The following SPATA6L variants were observed in gnomAD, a reference collection of about 807,000 sequenced individuals.
SPATA6L encodes spermatogenesis associated 6 like.
In SPATA6L, 68 loss-of-function variants were observed where a neutral mutation model predicts 49.2. The ratio of observed to expected loss-of-function variants is 1.38; its 90% CI spans 1.14 to 1.69. The LOEUF (loss-of-function observed/expected upper bound fraction) is 1.69, where lower values mean the gene tolerates loss of function less well. Ranked by LOEUF, SPATA6L falls within the 40% of genes most tolerant of loss-of-function variation. SPATA6L has a pLI of 0.00. For synonymous variants in SPATA6L, 198 were observed against 165.7 expected, an observed-to-expected ratio of 1.19 and a Z score of -1.50; for missense variants, 668 against 464.3, an observed-to-expected ratio of 1.44 and a Z score of -4.03.
chr9:4,614,519 C>G (rs1404360351), intron 9 of SPATA6L, among the ~76,000 whole-genome samples: 1 of 152,152 alleles, frequency 6.6e-6, no homozygotes, highest in Non-Finnish European at 1.5e-5. Context: ...GGAATCTGCC[C>G]TAGTGATCGC....
chr9:4,606,378 C>T (rs1470879152), intron 9 of SPATA6L, among the ~76,000 whole-genome samples: 1 of 127,606 alleles, frequency 7.8e-6, no homozygotes, highest in Non-Finnish European at 1.6e-5. Context: ...GCAGTAACCT[C>T]TGCAGACTTA....
At chr9:4,594,625 T>C (rs1822124111), downstream of SPATA6L, among the ~76,000 whole-genome samples, 1 of 152,138 alleles carries the variant, frequency 6.6e-6, no homozygotes, top group African/African-American at 2.4e-5. Flanking sequence ...TCTATAGAGG[T>C]TGGTGCATTT....
chr9:4,653,353 T>C (rs1837348966), intron 3 of SPATA6L, among the ~76,000 whole-genome samples: 2 of 152,038 alleles, frequency 1.3e-5, no homozygotes, highest in Admixed American at 6.5e-5. Flanking sequence ...TCTACAAAAA[T>C]CAACACAGTA....
Position 4,650,818 on chromosome 9 carries a change from C to A in SPATA6L, c.226+5223G>T, listed in dbSNP as rs575169373. The stretch of plus-strand genomic sequence containing the variant: ...AGGATTACAGGCAAGCACCACCAAA[C>A]CCAGCTTGTGTGTGTGTGTGTGTGT... On this transcript the variant is annotated intron_variant, in intron 3 of 11. Coordinates refer to ENST00000682582, the MANE Select transcript of SPATA6L (RefSeq NM_001353486.2). Among the ~76,000 whole-genome samples the A allele has an allele frequency of 3.4e-5, 5 of 148,988 alleles. No homozygotes were observed. In the East Asian group the frequency reaches 9.9e-4, roughly 29 times the overall value.
Position 4,655,992 on chromosome 9 carries a change from T to C in SPATA6L, c.226+49A>G, listed in dbSNP as rs780993425. 7 of 1,420,844 alleles carry C rather than the reference T, an allele frequency of 4.9e-6. No homozygotes were observed. In the East Asian group the frequency reaches 1.6e-4, roughly 33 times the overall value. The allele number at this position is 1,420,844 out of a possible 1,614,324, so 88.0% of individuals were successfully genotyped here. On this transcript the variant is annotated intron_variant, in intron 3 of 11. Transcript: ENST00000682582. ...AGAGCAGAGTTTTGAATCTGTGAAT[T>C]ACACACAATAGTCTTTTGGTTTTTT...
intron 3 of SPATA6L, among the ~76,000 whole-genome samples, chr9:4,635,653 A>G (rs1327460942): frequency 1.6e-4 from 25 of 152,212 alleles, no homozygotes; most frequent in Admixed American, 1.6e-3. Context: ...AAAAGGAAAA[A>G]CTATCTTTCC....
intron 3 of SPATA6L, among the ~76,000 whole-genome samples, chr9:4,651,511 T>C (rs1836844260): frequency 6.6e-6 from 1 of 152,152 alleles, no homozygotes; most frequent in Non-Finnish European, 1.5e-5. Context: ...GAAGTTAGCA[T>C]TACCAAAACC....
At chr9:4,647,888 G>A (rs952295646) in intron 3 of SPATA6L, among the ~76,000 whole-genome samples, 1 of 151,638 alleles carries the variant, frequency 6.6e-6, no homozygotes. Context: ...AGGGTGGAGG[G>A]CAGTGGTGCG....
chr9:4,589,935 A>T (rs1187692872), intron 13 of SPATA6L, among the ~76,000 whole-genome samples: 2 of 152,158 alleles, frequency 1.3e-5, no homozygotes, highest in East Asian at 3.8e-4. Flanking sequence ...ATATATTTAT[A>T]TATTTTGACA....
chr9:4,610,657 T>G (rs1338986056), intron 9 of SPATA6L, among the ~76,000 whole-genome samples: 2 of 152,140 alleles, frequency 1.3e-5, no homozygotes, highest in African/African-American at 4.8e-5. Flanking sequence ...CCAGATGGAT[T>G]AAAGAATTAA....
At chr9:4,590,491 G>C (rs546522132) in intron 13 of SPATA6L, among the ~76,000 whole-genome samples, 1 of 152,122 alleles carries the variant, frequency 6.6e-6, no homozygotes, top group African/African-American at 2.4e-5. Context: ...ACAAATCTCC[G>C]CTTGGCCTGC....
intron 9 of SPATA6L, among the ~76,000 whole-genome samples, chr9:4,615,901 T>C (rs1827875547): frequency 6.6e-6 from 1 of 152,128 alleles, no homozygotes; most frequent in South Asian, 2.1e-4. Context: ...TTTCCCCAGT[T>C]CTGGTGGCTG....
rs1453342918 is a variant in SPATA6L, at chr9:4,618,860, T to G, written c.807+4A>C. 1 of 1,611,522 alleles carries G rather than the reference T, an allele frequency of 6.2e-7. No homozygotes were observed. Among genetic ancestry groups the G allele is most frequent in the African/African-American group, 1.3e-5 (1 of 74,812 alleles). On this transcript the variant is annotated splice_donor_region_variant and intron_variant, in intron 8 of 11. Coordinates refer to ENST00000682582, the MANE Select transcript of SPATA6L (RefSeq NM_001353486.2). ...CATTTTACAAATTCTACTTCTAAAA[T>G]TACCTTTACGTTAGCTGCAAGGCTG... is the stretch of plus-strand genomic sequence containing the variant.
intron 11 of SPATA6L, among the ~76,000 whole-genome samples, chr9:4,603,843 G>A (rs866573650): frequency 2.0e-5 from 3 of 152,168 alleles, no homozygotes; most frequent in Admixed American, 2.0e-4. Context: ...GAGTCAGGAA[G>A]ACATATTCCA....
chr9:4,654,843 T>A (rs1587478010), intron 3 of SPATA6L, among the ~76,000 whole-genome samples: 1 of 151,358 alleles, frequency 6.6e-6, no homozygotes, highest in African/African-American at 2.5e-5. Flanking sequence ...TGGGCCAGGA[T>A]GGTCTTGGGA....
chr9:4,592,032 A>G (rs1821933537), intron 13 of SPATA6L, among the ~76,000 whole-genome samples: 1 of 152,050 alleles, frequency 6.6e-6, no homozygotes. Context: ...CAGCAACAAC[A>G]AGCCAAGCAC....
At chr9:4,656,012 T>C (rs748228883) in intron 3 of SPATA6L, 29 bp downstream of exon 3, 44 of 1,587,476 alleles carry the variant, frequency 2.8e-5, no homozygotes, top group Middle Eastern at 3.3e-4. Flanking sequence ...AGTCTTTTGG[T>C]TTTTTGTTTT....
intron 3 of SPATA6L, among the ~76,000 whole-genome samples, chr9:4,644,679 T>TC (rs1291569645): frequency 1.7e-4 from 23 of 132,082 alleles, no homozygotes; most frequent in African/African-American, 7.9e-4. Flanking sequence ...TCTCTCTCTC[T>TC]CTCTCTCACA....
intron 2 of SPATA6L, among the ~76,000 whole-genome samples, chr9:4,661,033 G>C (rs1839572073): frequency 2.0e-5 from 3 of 152,086 alleles, no homozygotes; most frequent in African/African-American, 7.2e-5. Context: ...GCCTGTCGTG[G>C]GGTGGGGGGA....
Sources: gnomAD v4.1 joint callset for allele counts (sites outside exome capture counted in the v4.1 genomes callset) on GRCh38, gnomAD v4.1.1 for gene constraint, MANE v1.5 for transcripts, NCBI Gene and HGNC (gene_info 2026-07-23, HGNC 2026-07-21) for gene names.